The following POM121C variants were observed in gnomAD, a reference collection of about 807,000 sequenced individuals.
The protein encoded by POM121C is nuclear envelope pore membrane protein POM 121C.
POM121C carries 20 observed loss-of-function variants against 66.4 expected under a neutral mutation model. The observed-to-expected ratio is 0.30, with a 90% CI of 0.21 to 0.44. The LOEUF is 0.44. Ranked by LOEUF, POM121C falls within the 20% of genes least tolerant of loss-of-function variation. The probability of loss-of-function intolerance (pLI) is 1.00; values close to 1 mark genes in which losing one functional copy is unlikely to be tolerated. For synonymous variants in POM121C, 286 were observed against 528.0 expected (o/e 0.54, Z 6.28); for missense variants, 580 against 1,225.7 (o/e 0.47, Z 7.87).
chr7:75,439,163 G>A lies in POM121C; in HGVS notation c.289C>T (p.Pro97Ser), dbSNP rs781872166. 18 of 1,614,088 alleles carry A rather than the reference G, an allele frequency of 1.1e-5. No homozygotes were observed. Among genetic ancestry groups the A allele is most frequent in the South Asian group, 5.5e-5 (5 of 91,090 alleles). The change falls in exon 6 of 15, where the codon CCC becomes TCC. Residue 97 changes from proline (P) to serine (S), a missense_variant. Pro to Ser is a moderately conservative substitution (Grantham distance 74, BLOSUM62 -1). Transcript: ENST00000615331. ...ACTTACTTAGGCACAAAAGAAGCGG[G>A]GACTCCACTGGCCACCAGGGGCTCA... is the stretch of plus-strand genomic sequence containing the variant. The part of the protein sequence containing the change: ...AFEPLVASGV[P>S]ASFVPKPGSL...
chr7:75,457,760 TC>T (rs1791288127), intron 3 of POM121C, among the ~76,000 whole-genome samples: 1 of 152,218 alleles, frequency 6.6e-6, no homozygotes, highest in African/African-American at 2.4e-5. Flanking sequence ...CATTTCCCGT[TC>T]CCCGTCCCAC....
At chr7:75,479,317 T>C (rs1792214691) in intron 1 of POM121C, among the ~76,000 whole-genome samples, 1 of 152,186 alleles carries the variant, frequency 6.6e-6, no homozygotes, top group Non-Finnish European at 1.5e-5. Context: ...TACTTAAATC[T>C]CTTTAAAAGA....
At chr7:75,476,596 G>A (rs1167861555) in intron 1 of POM121C, among the ~76,000 whole-genome samples, 1 of 152,026 alleles carries the variant, frequency 6.6e-6, no homozygotes, top group Non-Finnish European at 1.5e-5. Context: ...CCACAGGCAG[G>A]CCAAAGGAGC....
chr7:75,442,243 C>T, intron 3 of POM121C: 2 of 1,168,554 alleles, frequency 1.7e-6, no homozygotes, highest in Non-Finnish European at 2.2e-6. Flanking sequence ...GTGTGGAGCG[C>T]GGCGCCGGGC....
At chr7:75,452,372 A>T (rs1457316793) in intron 3 of POM121C, among the ~76,000 whole-genome samples, 2 of 152,094 alleles carry the variant, frequency 1.3e-5, no homozygotes, top group African/African-American at 2.4e-5. Context: ...AGGCAGAAGA[A>T]TCACTTGAAC....
Position 75,419,405 on chromosome 7 carries a change from C to A in POM121C, c.2781G>T (p.Ala927=). 1.2e-6 allele frequency: 2 copies of A among 1,613,836 alleles called. No homozygotes were observed. The highest frequency in any genetic ancestry group is 1.7e-6 in the Non-Finnish European group (2 of 1,179,828). Residue 927 remains alanine, a synonymous_variant, in exon 14 of 15, where the codon GCG becomes GCT. Coordinates refer to ENST00000615331, the MANE Select transcript of POM121C (RefSeq NM_001099415.3). ...TGCTGCCCGATGTGCCCACTCCAGG[C>A]GCAGGGGTGTTCTGACCAAAGGTGG... ...ATPTFGQNTP[A]PGVGTSGSSL... is the part of the protein sequence containing the mutation.
At chr7:75,452,912 A>T (rs1177893045) in intron 3 of POM121C, among the ~76,000 whole-genome samples, 1 of 152,164 alleles carries the variant, frequency 6.6e-6, no homozygotes, top group African/African-American at 2.4e-5. Flanking sequence ...TCTCACCAAC[A>T]GGTGGGTCAG....
At chr7:75,463,619 C>T (rs1352115940) in intron 3 of POM121C, among the ~76,000 whole-genome samples, 5 of 151,832 alleles carry the variant, frequency 3.3e-5, no homozygotes, top group African/African-American at 1.2e-4. Context: ...AGCTACAGCC[C>T]ACAGCAAAAG....
chr7:75,437,677 A>C lies in POM121C; in HGVS notation c.318T>G (p.Ser106=). ...TCTGAGAATTGAGGCCTCTCTTCAG[A>C]GACCCAGGCCTAATAAAAGAGAAGA... is the stretch of plus-strand genomic sequence containing the variant. ...VPASFVPKPG[S]LKRGLNSQSS... Residue 106 remains serine (S), a synonymous_variant, in exon 7 of 15, where the codon TCT becomes TCG. Coordinates refer to ENST00000615331, the MANE Select transcript of POM121C (RefSeq NM_001099415.3). 6.2e-7 allele frequency: 1 copy of C among 1,606,106 alleles called. No individual in the cohort carries two copies. The highest frequency in any genetic ancestry group is 8.5e-7 in the Non-Finnish European group (1 of 1,174,680).
chr7:75,431,603 CAAAAAAAAA>C (rs71098029), intron 7 of POM121C, among the ~76,000 whole-genome samples: 1 of 50,756 alleles, frequency 2.0e-5, no homozygotes, highest in African/African-American at 9.1e-5. Flanking sequence ...AACTCCGTCT[CAAAAAAAAA>C]AAAAAAAAAA....
chr7:75,474,387 C>T (rs1338290679), intron 3 of POM121C, among the ~76,000 whole-genome samples: 2 of 152,232 alleles, frequency 1.3e-5, no homozygotes, highest in African/African-American at 2.4e-5. Context: ...GAACAAGACT[C>T]CGTCTCCAAA....
At chr7:75,430,140 T>C (rs1790108489) in intron 7 of POM121C, among the ~76,000 whole-genome samples, 1 of 152,104 alleles carries the variant, frequency 6.6e-6, no homozygotes, top group African/African-American at 2.4e-5. Flanking sequence ...ATCTCAAAAC[T>C]TTTTTTTGTG....
At chr7:75,424,684 C>T (rs1282416973) in intron 10 of POM121C, 56 bp from the exon 11 acceptor site, 51 of 1,602,334 alleles carry the variant, frequency 3.2e-5, no homozygotes, top group Admixed American at 5.0e-5. Context: ...GAAGGCTGGG[C>T]GTGGTGGCTA....
chr7:75,437,022 T>TA (rs2116392964), intron 7 of POM121C, among the ~76,000 whole-genome samples: 1 of 152,338 alleles, frequency 6.6e-6, no homozygotes, highest in Non-Finnish European at 1.5e-5. Context: ...ACCACTTGTT[T>TA]AAAAACCCTG....
At chr7:75,461,796 A>T (rs1163064706) in intron 3 of POM121C, among the ~76,000 whole-genome samples, 1 of 152,120 alleles carries the variant, frequency 6.6e-6, no homozygotes, top group African/African-American at 2.4e-5. Context: ...AATCAATTTT[A>T]AAAAGAAACC....
rs1554480905 is a variant in POM121C, at chr7:75,486,089, C to T, written c.-683G>A. On this transcript the variant is annotated 5_prime_UTR_variant, in exon 1 of 15. Coordinates refer to ENST00000615331, the MANE Select transcript of POM121C (RefSeq NM_001099415.3). ...CTCCCGGCCCCTCTGGCCCCAGCGC[C>T]GCCGGCTCCGGGGTTCACGCTCGGG... 2.7e-6 allele frequency: 1 copy of T among 377,202 alleles called. No individual in the cohort carries two copies. The highest frequency in any genetic ancestry group is 2.2e-5 in the African/African-American group (1 of 44,780). 23.4% of individuals were successfully genotyped at this position (377,202 alleles called of 1,614,324 possible). A position where few individuals can be genotyped will look rare whatever the true frequency, so the allele number is the denominator to read the frequency against.
intron 5 of POM121C, chr7:75,440,707 G>A (rs1448827561): frequency 1.7e-6 from 1 of 576,282 alleles, no homozygotes; most frequent in African/African-American, 1.9e-5. Context: ...AGGCTAACAT[G>A]GCTAATAGCT....
At chr7:75,465,785 G>T (rs1261887713) in intron 3 of POM121C, among the ~76,000 whole-genome samples, 2 of 147,664 alleles carry the variant, frequency 1.4e-5, no homozygotes, top group Non-Finnish European at 3.0e-5. Context: ...CTGAGTCCTA[G>T]CTACTCAGGA....
intron 7 of POM121C, among the ~76,000 whole-genome samples, chr7:75,433,191 C>T (rs1158032583): frequency 8.1e-5 from 11 of 136,170 alleles, no homozygotes; most frequent in African/African-American, 2.6e-4. Flanking sequence ...GCTGAGATCG[C>T]ACCGCTGCAC....
Sources: gnomAD v4.1 joint callset for allele counts (sites outside exome capture counted in the v4.1 genomes callset) on GRCh38, gnomAD v4.1.1 for gene constraint, MANE v1.5 for transcripts, NCBI Gene and HGNC (gene_info 2026-07-23, HGNC 2026-07-21) for gene names.